Variants in RBFOX2 observed in about 807,000 individuals in gnomAD.
RBFOX2 encodes the protein RNA binding fox-1 homolog 2.
RBFOX2 carries 10 observed loss-of-function variants against 49.1 expected under a neutral mutation model. The ratio of observed to expected loss-of-function variants is 0.20; its 90% confidence interval spans 0.13 to 0.35. The LOEUF (loss-of-function observed/expected upper bound fraction) is 0.35. RBFOX2 is among the 10% of genes least tolerant of loss of function. The pLI is 1.00. For synonymous variants in RBFOX2, 183 were observed against 187.4 expected, an observed-to-expected ratio of 0.98 and a Z score of 0.19; for missense variants, 323 against 486.9, an observed-to-expected ratio of 0.66 and a Z score of 3.17.
chr22:35,790,625 A>G (rs1246665926), intron 2 of RBFOX2, among the ~76,000 whole-genome samples: 1 of 152,240 alleles, frequency 6.6e-6, no homozygotes, highest in African/African-American at 2.4e-5. Flanking sequence ...ACATTCTACT[A>G]TAGCTATGTA....
intron 1 of RBFOX2, among the ~76,000 whole-genome samples, chr22:35,929,335 T>C (rs945159639): frequency 1.3e-4 from 19 of 151,898 alleles, no homozygotes; most frequent in African/African-American, 3.6e-4. Flanking sequence ...CCTCAGTAAT[T>C]CCACTCCTAG....
intron 9 of RBFOX2, among the ~76,000 whole-genome samples, chr22:35,753,794 T>C (rs987386680): frequency 5.4e-4 from 77 of 142,132 alleles, no homozygotes; most frequent in Non-Finnish European, 1.1e-3. Context: ...TTTTTTTTTT[T>C]TTTTTTGAGA....
chr22:35,806,641 A>C (rs534903891), intron 2 of RBFOX2, among the ~76,000 whole-genome samples: 1 of 152,356 alleles, frequency 6.6e-6, no homozygotes, highest in South Asian at 2.1e-4. Context: ...GGAATCAGTA[A>C]AGAAGGAACA....
intron 9 of RBFOX2, among the ~76,000 whole-genome samples, chr22:35,755,474 T>A (rs367738084): frequency 6.6e-6 from 1 of 152,336 alleles, no homozygotes; most frequent in East Asian, 1.9e-4. Context: ...GGTTGCTGAT[T>A]ATGCTACTCA....
chr22:35,960,895 AC>A (rs2056127020), intron 1 of RBFOX2, among the ~76,000 whole-genome samples: 1 of 152,082 alleles, frequency 6.6e-6, no homozygotes. Context: ...TGGTTGTATC[AC>A]CAACCAAGGT....
At chr22:35,881,020 T>C (rs2045814491) in intron 1 of RBFOX2, among the ~76,000 whole-genome samples, 1 of 152,134 alleles carries the variant, frequency 6.6e-6, no homozygotes, top group Non-Finnish European at 1.5e-5. Flanking sequence ...ATCCCAGCAC[T>C]TTGGGAGGCT....
At chr22:35,934,552 T>A (rs2052823845) in intron 1 of RBFOX2, among the ~76,000 whole-genome samples, 1 of 152,172 alleles carries the variant, frequency 6.6e-6, no homozygotes, top group Admixed American at 6.5e-5. Flanking sequence ...GTTTATATGG[T>A]CACCTTATTT....
chr22:35,813,141 C>T lies in RBFOX2; in HGVS notation c.28-3137G>A, dbSNP rs550305078. ...AAAATTTTTGTTAAAAATGTAACAA[C>T]AATTGTTTATATATTAAGGGAATGA... On this transcript the variant is annotated intron_variant, in intron 1 of 11. Coordinates refer to ENST00000405409, the Ensembl canonical transcript of RBFOX2. Among the ~76,000 whole-genome samples the T allele has an allele frequency of 5.3e-5, 8 of 152,244 alleles. No individual in the cohort carries two copies. In the South Asian group the frequency reaches 1.7e-3, roughly 32 times the overall value.
intron 4 of RBFOX2, among the ~76,000 whole-genome samples, chr22:35,770,659 C>T (rs1942404240): frequency 6.6e-6 from 1 of 152,084 alleles, no homozygotes; most frequent in Non-Finnish European, 1.5e-5. Context: ...AATCTAATTG[C>T]TAAGTATCTT....
chr22:35,782,468 C>G (rs1945376678), intron 2 of RBFOX2, among the ~76,000 whole-genome samples: 1 of 152,112 alleles, frequency 6.6e-6, no homozygotes, highest in Non-Finnish European at 1.5e-5. Context: ...ACGATAGGTG[C>G]CTGCCACCAC....
At chr22:35,821,551 G>A (rs1467483100) in intron 1 of RBFOX2, among the ~76,000 whole-genome samples, 5 of 133,438 alleles carry the variant, frequency 3.7e-5, no homozygotes, top group African/African-American at 1.1e-4. Flanking sequence ...GCAGTGAGCC[G>A]AGATTGCGCC....
At chr22:35,757,239 AC>A (rs1451676008) in intron 9 of RBFOX2, among the ~76,000 whole-genome samples, 36 of 151,900 alleles carry the variant, frequency 2.4e-4, no homozygotes, top group Admixed American at 1.4e-3. Context: ...AAAAAAAAAA[AC>A]AAAACCTAAG....
upstream of RBFOX2, among the ~76,000 whole-genome samples, chr22:35,940,490 G>A (rs115845837): frequency 7.4e-3 from 1,130 of 152,248 alleles, 12 homozygotes; most frequent in African/African-American, 0.026. Flanking sequence ...TCTACACTGC[G>A]GGTGGGAATG....
intron 1 of RBFOX2, among the ~76,000 whole-genome samples, chr22:35,982,649 A>C (rs150254718): frequency 6.6e-6 from 1 of 152,282 alleles, no homozygotes; most frequent in African/African-American, 2.4e-5. Flanking sequence ...AGGGTCCAGG[A>C]TATCTGAATA....
intron 1 of RBFOX2, among the ~76,000 whole-genome samples, chr22:35,867,314 A>C (rs926061943): frequency 6.6e-6 from 1 of 152,226 alleles, no homozygotes; most frequent in African/African-American, 2.4e-5. Context: ...ATGAAAACAA[A>C]ATCTACTTGG....
intron 1 of RBFOX2, among the ~76,000 whole-genome samples, chr22:35,976,370 T>C (rs369320988): frequency 6.6e-6 from 1 of 151,738 alleles, no homozygotes; most frequent in East Asian, 2.0e-4. Context: ...CAGTCCTTCC[T>C]TCCTGTTCTC....
intron 1 of RBFOX2, among the ~76,000 whole-genome samples, chr22:36,015,238 CACAAA>C (rs1349193999): frequency 6.6e-6 from 1 of 152,170 alleles, no homozygotes; most frequent in Non-Finnish European, 1.5e-5. Context: ...TCAAATATAA[CACAAA>C]ACATAGTAAA....
chr22:35,811,292 A>C (rs1479185213), intron 1 of RBFOX2, among the ~76,000 whole-genome samples: 1 of 152,160 alleles, frequency 6.6e-6, no homozygotes, highest in Non-Finnish European at 1.5e-5. Flanking sequence ...AACCCTCAGT[A>C]CCTCAAAATG....
At chr22:35,885,843 ATTTTTTTTTTTTTTTTT>A (rs538674450) in intron 1 of RBFOX2, among the ~76,000 whole-genome samples, 4 of 83,152 alleles carry the variant, frequency 4.8e-5, no homozygotes, top group African/African-American at 1.6e-4. Flanking sequence ...CCCAAACCTA[ATTTTTTTTTTTTTTTTT>A]TTTTTTTTTT....
Sources: allele counts gnomAD v4.1 joint callset (sites outside exome capture counted in the v4.1 genomes callset), GRCh38; gene constraint gnomAD v4.1.1; transcripts MANE v1.5; gene names NCBI Gene and HGNC (gene_info 2026-07-23, HGNC 2026-07-21).